Variants in GALNT17 observed in about 807,000 individuals in gnomAD.
The protein encoded by GALNT17 is UDP-GalNAc:polypeptide N-acetylgalactosaminyltransferase-like 3.
A neutral mutation model predicts 63.7 loss-of-function variants in GALNT17; 29 were observed. The ratio of observed to expected loss-of-function variants is 0.46; its 90% confidence interval spans 0.34 to 0.62. The LOEUF (loss-of-function observed/expected upper bound fraction) is 0.62. Among genes scored for constraint, GALNT17 ranks in the 20% least tolerant of loss-of-function variants. The pLI is 0.01. For missense variants in GALNT17, 603 were observed against 799.6 expected, an observed-to-expected ratio of 0.75 and a Z score of 2.97; for synonymous variants, 305 against 318.3, an observed-to-expected ratio of 0.96 and a Z score of 0.45.
intron 5 of GALNT17, among the ~76,000 whole-genome samples, chr7:71,478,946 G>A (rs932103403): frequency 6.6e-6 from 1 of 152,154 alleles, no homozygotes; most frequent in African/African-American, 2.4e-5. Flanking sequence ...GCTCAATTTG[G>A]TTCTGGAGAC....
chr7:71,270,580 A>G (rs1790569364), intron 1 of GALNT17, among the ~76,000 whole-genome samples: 1 of 151,318 alleles, frequency 6.6e-6, no homozygotes, highest in African/African-American at 2.4e-5. Context: ...TTTTCTAAAC[A>G]TATATAAGGT....
intron 5 of GALNT17, among the ~76,000 whole-genome samples, chr7:71,534,036 C>T (rs548010051): frequency 4.6e-5 from 7 of 152,142 alleles, no homozygotes; most frequent in African/African-American, 9.6e-5. Context: ...TCCCTGATAC[C>T]GTCTGGGAGG....
chr7:71,633,103 C>CA (rs71089970), intron 6 of GALNT17, among the ~76,000 whole-genome samples: 7,255 of 72,170 alleles, frequency 0.1, 603 homozygotes, highest in African/African-American at 0.23. Context: ...GACTCTGTCT[C>CA]AAAAAAAAAA....
chr7:71,599,196 C>A (rs1428580552), intron 6 of GALNT17, among the ~76,000 whole-genome samples: 1 of 152,078 alleles, frequency 6.6e-6, no homozygotes, highest in Admixed American at 6.6e-5. Context: ...GAAGGGAGAA[C>A]CACATGATCC....
intron 1 of GALNT17, among the ~76,000 whole-genome samples, chr7:71,137,301 G>A (rs1481098191): frequency 4.0e-5 from 6 of 151,828 alleles, no homozygotes; most frequent in Non-Finnish European, 5.9e-5. Flanking sequence ...CACCACGCCC[G>A]GCTAATTTTT....
At chr7:71,243,035 A>G (rs926686139) in intron 1 of GALNT17, among the ~76,000 whole-genome samples, 1 of 152,156 alleles carries the variant, frequency 6.6e-6, no homozygotes, top group Non-Finnish European at 1.5e-5. Context: ...CTTGAATTGT[A>G]ATCTCCCTAA....
intron 5 of GALNT17, among the ~76,000 whole-genome samples, chr7:71,426,468 A>G (rs1441970018): frequency 1.3e-5 from 2 of 152,222 alleles, no homozygotes; most frequent in Non-Finnish European, 2.9e-5. Context: ...AATTGCTACA[A>G]AGAAATGCCT....
At chr7:71,543,885 C>G (rs1788935577) in intron 5 of GALNT17, among the ~76,000 whole-genome samples, 1 of 151,524 alleles carries the variant, frequency 6.6e-6, no homozygotes, top group Non-Finnish European at 1.5e-5. Context: ...CTCTGCCTCA[C>G]AGATTCAAGA....
chr7:71,592,366 G>A (rs1202001216), intron 6 of GALNT17, among the ~76,000 whole-genome samples: 1 of 151,974 alleles, frequency 6.6e-6, no homozygotes, highest in Non-Finnish European at 1.5e-5. Context: ...GTAGTGGCAA[G>A]TGCCTGTAAT....
intron 1 of GALNT17, among the ~76,000 whole-genome samples, chr7:71,195,587 A>G (rs1475316046): frequency 6.6e-6 from 1 of 150,532 alleles, no homozygotes; most frequent in Admixed American, 6.6e-5. Context: ...TCACTCTGTC[A>G]CCCAGACTGG....
intron 1 of GALNT17, among the ~76,000 whole-genome samples, chr7:71,213,045 A>C (rs1226422450): frequency 6.6e-6 from 1 of 151,786 alleles, no homozygotes; most frequent in South Asian, 2.1e-4. Flanking sequence ...ATTTGGAGGG[A>C]CCAGGGGCAG....
intron 1 of GALNT17, among the ~76,000 whole-genome samples, chr7:71,230,522 C>T (rs1789769107): frequency 6.7e-6 from 1 of 149,814 alleles, no homozygotes; most frequent in Admixed American, 6.6e-5. Flanking sequence ...CCCTGTGTTC[C>T]TTTGGTCAGA....
At chr7:71,679,216 G>A (rs2117070733) in intron 9 of GALNT17, among the ~76,000 whole-genome samples, 1 of 151,978 alleles carries the variant, frequency 6.6e-6, no homozygotes, top group Non-Finnish European at 1.5e-5. Flanking sequence ...ATTGAGACCA[G>A]CCTGGGTAAC....
intron 8 of GALNT17, 97 bp from the exon 9 acceptor site, chr7:71,677,114 T>C: frequency 8.2e-7 from 1 of 1,223,384 alleles, no homozygotes; most frequent in African/African-American, 1.5e-5. Context: ...TGTCTTCCCA[T>C]CATGAAGTTG....
At chr7:71,701,723 ATG>A (rs1159463384) in intron 9 of GALNT17, among the ~76,000 whole-genome samples, 2 of 136,540 alleles carry the variant, frequency 1.5e-5, no homozygotes, top group African/African-American at 5.7e-5. Flanking sequence ...AATGTGGTGT[ATG>A]TATATATATA....
At chr7:71,694,709 T>TA (rs1276594903) in intron 9 of GALNT17, among the ~76,000 whole-genome samples, 1 of 152,180 alleles carries the variant, frequency 6.6e-6, no homozygotes, top group Non-Finnish European at 1.5e-5. Context: ...ATCCCCATTT[T>TA]AAAAAATAAG....
chr7:71,433,458 T>C (rs2960862), intron 5 of GALNT17, among the ~76,000 whole-genome samples: 1 of 152,210 alleles, frequency 6.6e-6, no homozygotes, highest in African/African-American at 2.4e-5. Context: ...ATTGCATAAC[T>C]CTATGACTAT....
chr7:71,224,313 G>A (rs1036148041), intron 1 of GALNT17, among the ~76,000 whole-genome samples: 7 of 152,144 alleles, frequency 4.6e-5, no homozygotes, highest in Non-Finnish European at 1.0e-4. Context: ...CAAAGTTTCG[G>A]GATTACAGGC....
At chr7:71,321,996 G>C (rs986000311) in intron 1 of GALNT17, among the ~76,000 whole-genome samples, 16 of 71,138 alleles carry the variant, frequency 2.2e-4, no homozygotes, top group Admixed American at 3.9e-4. Flanking sequence ...CTGACACCCA[G>C]GCTGGAGTAC....
Sources: allele counts gnomAD v4.1 joint callset (sites outside exome capture counted in the v4.1 genomes callset), GRCh38; gene constraint gnomAD v4.1.1; transcripts MANE v1.5; gene names NCBI Gene and HGNC (gene_info 2026-07-23, HGNC 2026-07-21).